Variants in KATNAL2 observed in about 807,000 individuals in gnomAD.
The protein encoded by KATNAL2 is katanin p60 ATPase-containing subunit A-like 2.
KATNAL2 carries 52 observed loss-of-function variants against 76.3 expected under a neutral mutation model. The observed-to-expected ratio is 0.68, with a 90% CI of 0.55 to 0.86. The LOEUF (loss-of-function observed/expected upper bound fraction) is 0.86. Among genes scored for constraint, KATNAL2 ranks in the 40% least tolerant of loss-of-function variants. The probability of loss-of-function intolerance (pLI) is 0.00; values close to 1 mark genes in which losing one functional copy is unlikely to be tolerated. For missense variants in KATNAL2, 660 were observed against 668.9 expected (o/e 0.99, Z 0.15); for synonymous variants, 243 against 244.2 (o/e 1.00, Z 0.05).
In KATNAL2 at chr18:46,946,563, C is replaced by T; in HGVS notation, c.-20+17C>T. The T allele has an allele frequency of 3.0e-6, 3 of 985,406 alleles. No individual in the cohort carries two copies. The highest frequency in any genetic ancestry group is 3.6e-6 in the Non-Finnish European group (3 of 829,908). 61.0% of individuals were successfully genotyped at this position (985,406 alleles called of 1,614,324 possible). A position where few individuals can be genotyped will look rare whatever the true frequency, so the allele number is the denominator to read the frequency against. ...AATATTATGGTACATGGCCCTGGGT[C>T]AGCTTGTATTTTAGAAACGAATTAA... On this transcript the variant is annotated intron_variant, in intron 2 of 17. Transcript: ENST00000683218.
At chr18:47,034,987 C>G (rs1201096712) in intron 3 of KATNAL2, 1 of 1,611,630 alleles carries the variant, frequency 6.2e-7, no homozygotes, top group Non-Finnish European at 8.5e-7. Flanking sequence ...TCGGGAAGCG[C>G]TCTCCTCAGG....
intron 3 of KATNAL2, chr18:47,033,526 T>C: frequency 6.2e-7 from 1 of 1,614,192 alleles, no homozygotes; most frequent in Non-Finnish European, 8.5e-7. Context: ...TTCGTCTGTC[T>C]CTCTAACGAG....
intron 15 of KATNAL2, among the ~76,000 whole-genome samples, chr18:47,089,593 T>A (rs1337257598): frequency 1.3e-5 from 2 of 152,142 alleles, no homozygotes; most frequent in African/African-American, 4.8e-5. Flanking sequence ...AGAAGTGGGG[T>A]CTCTGTGGAG....
At chr18:47,073,570 G>A (rs574388767) in intron 13 of KATNAL2, among the ~76,000 whole-genome samples, 7 of 152,290 alleles carry the variant, frequency 4.6e-5, no homozygotes, top group African/African-American at 1.7e-4. Context: ...CTAAAGCAGA[G>A]AAGCTTTTTC....
Position 47,077,472 on chromosome 18 carries a change from A to C in KATNAL2, c.1211+11A>C. ...TTCTAACCTGCCGTGGTAAGAGACC[A>C]AGAGAGTAAATTTTGAATACATTTT... On this transcript the variant is annotated intron_variant, in intron 15 of 17. Coordinates refer to ENST00000683218, the MANE Select transcript of KATNAL2 (RefSeq NM_001387690.1). 6.3e-7 allele frequency: 1 copy of C among 1,590,626 alleles called. No individual in the cohort carries two copies. The highest frequency in any genetic ancestry group is 8.6e-7 in the Non-Finnish European group (1 of 1,158,584).
intron 3 of KATNAL2, among the ~76,000 whole-genome samples, chr18:47,037,456 A>C (rs2060818504): frequency 6.6e-6 from 1 of 152,200 alleles, no homozygotes; most frequent in Non-Finnish European, 1.5e-5. Flanking sequence ...ATTAATGAGC[A>C]TGTAATTGTG....
At chr18:46,950,585 A>C (rs10853547) in intron 3 of KATNAL2, among the ~76,000 whole-genome samples, 80,124 of 152,030 alleles carry the variant, frequency 0.53, 21,381 homozygotes, top group Middle Eastern at 0.57. Flanking sequence ...TTGAAAAAAA[A>C]CGAATCTCCT....
In KATNAL2 at chr18:47,063,281, C is replaced by T. The variant is rs117367547; in HGVS notation, c.649-3C>T. The T allele has an allele frequency of 3.1e-3, 5,041 of 1,613,018 alleles. 5 individuals carry two copies. The highest frequency in any genetic ancestry group is 4.7e-3 in the Admixed American group (279 of 59,834). On this transcript the variant is annotated splice_region_variant and splice_polypyrimidine_tract_variant and intron_variant, in intron 9 of 17. Coordinates refer to ENST00000683218, the MANE Select transcript of KATNAL2 (RefSeq NM_001387690.1). ...ATGTGAGCCTTTCCGCTCCTCTCAT[C>T]AGGAACGACTGCTGAAACCTCTGAG...
At chr18:47,087,004 A>G (rs572619067) in intron 15 of KATNAL2, among the ~76,000 whole-genome samples, 1 of 152,358 alleles carries the variant, frequency 6.6e-6, no homozygotes, top group South Asian at 2.1e-4. Flanking sequence ...TAAAATTATT[A>G]TAACCATTTT....
intron 15 of KATNAL2, among the ~76,000 whole-genome samples, chr18:47,088,837 T>TAA (rs1201723473): frequency 6.6e-6 from 1 of 152,250 alleles, no homozygotes; most frequent in Admixed American, 6.5e-5. Flanking sequence ...TGTCAGTCTT[T>TAA]AAATCACTTT....
intron 4 of KATNAL2, among the ~76,000 whole-genome samples, chr18:47,048,828 C>CTTTTTTTTTTT (rs35366730): frequency 1.4e-4 from 11 of 76,762 alleles, no homozygotes; most frequent in South Asian, 5.8e-4. Flanking sequence ...AAGCCAGACT[C>CTTTTTTTTTTT]TTTTTTTTTT....
At chr18:46,950,680 T>A (rs2059525749) in intron 3 of KATNAL2, among the ~76,000 whole-genome samples, 1 of 152,032 alleles carries the variant, frequency 6.6e-6, no homozygotes. Context: ...AAATAACATG[T>A]TTATACTCTT....
intron 3 of KATNAL2, chr18:47,033,990 A>G: frequency 6.2e-7 from 1 of 1,613,790 alleles, no homozygotes; most frequent in South Asian, 1.1e-5. Context: ...TCTTAGCCGA[A>G]TCCCAGGACT....
intron 3 of KATNAL2, chr18:47,034,973 G>A (rs963166141): frequency 1.2e-6 from 2 of 1,611,690 alleles, no homozygotes; most frequent in Non-Finnish European, 1.7e-6. Context: ...TCCCCGAAGC[G>A]CTGTCGGGAA....
At chr18:47,044,742 C>A (rs1210631792) in intron 3 of KATNAL2, among the ~76,000 whole-genome samples, 2 of 132,444 alleles carry the variant, frequency 1.5e-5, no homozygotes, top group African/African-American at 3.0e-5. Flanking sequence ...ACCTGGGCAA[C>A]AAGAGCAAGA....
chr18:47,071,364 C>A (rs942409352), intron 13 of KATNAL2, among the ~76,000 whole-genome samples: 1 of 152,096 alleles, frequency 6.6e-6, no homozygotes, highest in Non-Finnish European at 1.5e-5. Flanking sequence ...GGCTTTTCCC[C>A]CAACTTAATA....
chr18:47,083,905 T>C (rs979799967), intron 15 of KATNAL2, among the ~76,000 whole-genome samples: 2 of 152,192 alleles, frequency 1.3e-5, no homozygotes, highest in Non-Finnish European at 2.9e-5. Context: ...AGACTAAATA[T>C]ATGAAGCATG....
Position 46,920,594 on chromosome 18 carries a change from T to A in KATNAL2, c.-510+2668T>A, listed in dbSNP as rs144727482. Among the ~76,000 whole-genome samples, 1,408 of 152,304 alleles carry A rather than the reference T, an allele frequency of 9.2e-3. 10 individuals are homozygous for A. The highest frequency in any genetic ancestry group is 0.013 in the Non-Finnish European group (909 of 68,020). Reference sequence around the variant, plus strand: ...CAATAGAAAGAATTCTGAAATAGGGTGCTACTTTGTCTCACCAGACCAGAT... The same window carrying A: ...CAATAGAAAGAATTCTGAAATAGGGAGCTACTTTGTCTCACCAGACCAGAT... On this transcript the variant is annotated intron_variant, in intron 1 of 17. Transcript: ENST00000683218.
At chr18:46,939,836 G>T (rs1439780392) in intron 1 of KATNAL2, among the ~76,000 whole-genome samples, 1 of 152,128 alleles carries the variant, frequency 6.6e-6, no homozygotes, top group Non-Finnish European at 1.5e-5. Flanking sequence ...TCTGAACCTT[G>T]TTGCTCAATG....
Sources: gnomAD v4.1 joint callset for allele counts (sites outside exome capture counted in the v4.1 genomes callset) on GRCh38, gnomAD v4.1.1 for gene constraint, MANE v1.5 for transcripts, NCBI Gene and HGNC (gene_info 2026-07-23, HGNC 2026-07-21) for gene names.